GATD1: variants seen among roughly 807,000 people sequenced by gnomAD.
GATD1 encodes glutamine amidotransferase-like class 1 domain-containing protein 1.
A neutral mutation model predicts 25.9 loss-of-function variants in GATD1; 23 were observed. The ratio of observed to expected loss-of-function variants is 0.89; its 90% CI spans 0.64 to 1.26. GATD1 has a LOEUF of 1.26. GATD1 is among the 50% of genes most tolerant of loss of function. The probability of loss-of-function intolerance (pLI) is 0.00; values close to 1 mark genes in which losing one functional copy is unlikely to be tolerated. For missense variants in GATD1, 347 were observed against 312.5 expected, an observed-to-expected ratio of 1.11 and a Z score of -0.83; for synonymous variants, 177 against 134.6, an observed-to-expected ratio of 1.31 and a Z score of -2.18.
chr11:767,573 C>T lies in GATD1; in HGVS notation c.*3324G>A. 7.1e-7 allele frequency: 1 copy of T among 1,410,942 alleles called. No homozygotes were observed. The highest frequency in any genetic ancestry group is 1.6e-5 in the South Asian group (1 of 64,452). The allele number at this position is 1,410,942 out of a possible 1,614,324, so 87.4% of individuals were successfully genotyped here. ...GGGCTCAATGTCAGATCTGGCTGAC[C>T]AGAGGGGCTCAATGAGGCTCACTGG... is the stretch of plus-strand genomic sequence containing the variant. On this transcript the variant is annotated 3_prime_UTR_variant, in exon 8 of 8. Transcript: ENST00000319863.
Position 772,489 on chromosome 11 carries a change from C to A in GATD1, c.388G>T (p.Ala130Ser). ...TCCTCGTTGGTGGCACAGCACAGGG[C>A]GGCGACACCGTGGCCGACGGCGCAG... Reference protein sequence around the residue: ...PICAVGHGVAALCCATNEDRS... With the variant: ...PICAVGHGVASLCCATNEDRS... Residue 130 changes from alanine (A) to serine (S), a missense_variant, in exon 5 of 8, where the codon GCC becomes TCC. Coordinates refer to ENST00000319863, the MANE Select transcript of GATD1 (RefSeq NM_182612.4). 1.9e-6 allele frequency: 3 copies of A among 1,612,918 alleles called. No homozygotes were observed. Among genetic ancestry groups the A allele is most frequent in the Admixed American group, 3.3e-5 (2 of 60,022 alleles).
In GATD1 at chr11:770,486, A is replaced by G; in HGVS notation, c.*411T>C. 1 of 1,441,086 alleles carries G rather than the reference A, an allele frequency of 6.9e-7. No individual in the cohort carries two copies. The highest frequency in any genetic ancestry group is 1.4e-5 in the South Asian group (1 of 70,100). 89.3% of individuals were successfully genotyped at this position (1,441,086 alleles called of 1,614,324 possible). On this transcript the variant is annotated 3_prime_UTR_variant, in exon 8 of 8. Transcript: ENST00000319863. ...CCTCAAGGCCCCCACCAACAGTGAA[A>G]GAGGTGGTGGGTGGCAGACAGGCCA... is the stretch of plus-strand genomic sequence containing the variant.
Position 769,277 on chromosome 11 carries a change from C to T in GATD1, c.*1620G>A. The T allele has an allele frequency of 1.0e-6, 1 of 985,384 alleles. No individual in the cohort carries two copies. Among genetic ancestry groups the T allele is most frequent in the Non-Finnish European group, 1.2e-6 (1 of 829,942 alleles). The allele number at this position is 985,384 out of a possible 1,614,324, so 61.0% of individuals were successfully genotyped here. On this transcript the variant is annotated 3_prime_UTR_variant, in exon 8 of 8. Coordinates refer to ENST00000319863, the MANE Select transcript of GATD1 (RefSeq NM_182612.4). ...GGCGGGGATGTGGCTGCAGCGCTTC[C>T]TTCTTCCACTTTTTTCCAAATTCTC...
In GATD1 at chr11:767,265, C is replaced by T; in HGVS notation, c.*3632G>A. On this transcript the variant is annotated 3_prime_UTR_variant, in exon 8 of 8. Transcript: ENST00000319863. Reference sequence around the variant, plus strand: ...GTTTTATTCCTCATGGGTAGATGAACACACACTGGTATATGGGGAAATCCT... The same window carrying T: ...GTTTTATTCCTCATGGGTAGATGAATACACACTGGTATATGGGGAAATCCT... 6.5e-7 allele frequency: 1 copy of T among 1,536,086 alleles called. No homozygotes were observed. The highest frequency in any genetic ancestry group is 1.2e-5 in the South Asian group (1 of 84,066).
In GATD1 at chr11:768,535, C is replaced by T. The variant is rs1336293462; in HGVS notation, c.*2362G>A. The T allele has an allele frequency of 3.3e-5, 5 of 151,972 alleles. No homozygotes were observed. Among genetic ancestry groups the T allele is most frequent in the Non-Finnish European group, 7.3e-5 (5 of 68,126 alleles). 9.4% of individuals were successfully genotyped at this position (151,972 alleles called of 1,614,324 possible). A position where few individuals can be genotyped will look rare whatever the true frequency, so the allele number is the denominator to read the frequency against. On this transcript the variant is annotated 3_prime_UTR_variant, in exon 8 of 8. Coordinates refer to ENST00000319863, the MANE Select transcript of GATD1 (RefSeq NM_182612.4). Reference sequence around the variant, plus strand: ...GGGTGTGGTGGTGTGCACCTGTAGTCCTAGCTACTTGGGAGGCTGAGGCAG... The same window carrying T: ...GGGTGTGGTGGTGTGCACCTGTAGTTCTAGCTACTTGGGAGGCTGAGGCAG...
intron 5 of GATD1, among the ~76,000 whole-genome samples, chr11:772,136 G>A (rs1416783973): frequency 6.6e-6 from 1 of 152,186 alleles, no homozygotes; most frequent in Non-Finnish European, 1.5e-5. Context: ...GTCCCCTGGT[G>A]AGTGGGCCTG....
In GATD1 at chr11:770,821, G is replaced by A. The variant is rs1863360107; in HGVS notation, c.*76C>T. 2 of 1,550,852 alleles carry A rather than the reference G, an allele frequency of 1.3e-6. No individual in the cohort carries two copies. The highest frequency in any genetic ancestry group is 1.4e-5 in the African/African-American group (1 of 73,626). ...GGCCCTTGTCAGGAGGGAAGAGGCG[G>A]GGTCCCTGAAGCCTGAGACGGGGCT... On this transcript the variant is annotated 3_prime_UTR_variant, in exon 8 of 8. Transcript: ENST00000319863.
intron 1 of GATD1, among the ~76,000 whole-genome samples, chr11:775,808 TC>T (rs1254004409): frequency 1.3e-5 from 2 of 151,904 alleles, no homozygotes; most frequent in Admixed American, 1.3e-4. Flanking sequence ...CCACACCCAA[TC>T]CAGAAGGCTC....
intron 4 of GATD1, chr11:773,319 T>C (rs1304861622): frequency 1.9e-6 from 1 of 526,580 alleles, no homozygotes; most frequent in Non-Finnish European, 3.3e-6. Context: ...GCCTGCAAGA[T>C]GGTCACCAGG....
chr11:768,140 C>T lies in GATD1; in HGVS notation c.*2757G>A, dbSNP rs74935180. On this transcript the variant is annotated 3_prime_UTR_variant, in exon 8 of 8. Transcript: ENST00000319863. ...TGCTGGGATTACAGGCGTGAGCCACCGTGCCCGGCCAGTTTACAGTATTTT... is the reference window on the plus strand; with the variant it reads ...TGCTGGGATTACAGGCGTGAGCCACTGTGCCCGGCCAGTTTACAGTATTTT... The T allele has an allele frequency of 0.041, 6,200 of 152,170 alleles. 397 individuals carry two copies. The highest frequency in any genetic ancestry group is 0.26 in the East Asian group (1,354 of 5,142). 9.4% of individuals were successfully genotyped at this position (152,170 alleles called of 1,614,324 possible).
At position 775,152 on chromosome 11, in the gene GATD1, G is replaced by C; in HGVS notation, c.65-10C>G. 2 of 1,594,074 alleles carry C rather than the reference G, an allele frequency of 1.3e-6. No homozygotes were observed. The stretch of plus-strand genomic sequence containing the variant: ...GACTGGGCCGACACACCTGCAGAAG[G>C]TCCCAGTGAGTGTGGGCTCGACAGG... On this transcript the variant is annotated splice_polypyrimidine_tract_variant and intron_variant, in intron 1 of 7. Transcript: ENST00000319863.
At chr11:775,025 A>C in intron 2 of GATD1, 41 bp downstream of exon 2, 1 of 1,544,462 alleles carries the variant, frequency 6.5e-7, no homozygotes, top group Non-Finnish European at 8.8e-7. Flanking sequence ...AGGTGGAGAC[A>C]GACCCCAAGT....
Position 767,860 on chromosome 11 carries a change from T to C in GATD1, c.*3037A>G, listed in dbSNP as rs1354156722. The C allele has an allele frequency of 6.4e-6, 1 of 156,472 alleles. No homozygotes were observed. Among genetic ancestry groups the C allele is most frequent in the Non-Finnish European group, 1.4e-5 (1 of 71,520 alleles). 9.7% of individuals were successfully genotyped at this position (156,472 alleles called of 1,614,324 possible). Reference sequence around the variant, plus strand: ...CTAGGTTTACAATATTTTCTTTTTTTTTTTTTTTGAGATGGAGTCTTGCTC... The same window carrying C: ...CTAGGTTTACAATATTTTCTTTTTTCTTTTTTTTGAGATGGAGTCTTGCTC... On this transcript the variant is annotated 3_prime_UTR_variant, in exon 8 of 8. Transcript: ENST00000319863.
Position 769,001 on chromosome 11 carries a change from T to A in GATD1, c.*1896A>T. ...CTGTAATCCCAGCTACTCCGGAGGC[T>A]GAGGCAGGAGAATCGCTTGAACCCG... On this transcript the variant is annotated 3_prime_UTR_variant, in exon 8 of 8. Coordinates refer to ENST00000319863, the MANE Select transcript of GATD1 (RefSeq NM_182612.4). The A allele has an allele frequency of 1.1e-5, 4 of 372,616 alleles. No homozygotes were observed. The highest frequency in any genetic ancestry group is 1.5e-5 in the Non-Finnish European group (4 of 269,906). The allele number at this position is 372,616 out of a possible 1,614,324, so 23.1% of individuals were successfully genotyped here.
intron 2 of GATD1, 152 bp downstream of exon 2, chr11:774,914 C>T (rs1276318376): frequency 3.2e-6 from 2 of 633,062 alleles, no homozygotes; most frequent in East Asian, 3.0e-5. Flanking sequence ...CAGGGGGACG[C>T]CACCAGGGTT....
Position 770,775 on chromosome 11 carries a change from C to G in GATD1, c.*122G>C, listed in dbSNP as rs781182203. On this transcript the variant is annotated 3_prime_UTR_variant, in exon 8 of 8. Transcript: ENST00000319863. The stretch of plus-strand genomic sequence containing the variant: ...GAGGCCTCCAACAATCCCATCAGGG[C>G]CAGACCAGGCTGCCATCCAGGGCCC... 3.3e-6 allele frequency: 5 copies of G among 1,525,648 alleles called. No homozygotes were observed. The highest frequency in any genetic ancestry group is 4.4e-6 in the Non-Finnish European group (5 of 1,139,158). The allele number at this position is 1,525,648 out of a possible 1,614,324, so 94.5% of individuals were successfully genotyped here.
intron 2 of GATD1, 123 bp downstream of exon 2, chr11:774,943 C>T: frequency 1.2e-6 from 1 of 833,556 alleles, no homozygotes; most frequent in South Asian, 1.7e-5. Context: ...GACTCTTCAC[C>T]CCTCCACCAA....
Position 770,817 on chromosome 11 carries a change from GGC to G in GATD1, c.*78_*79del. ...CCAGGGCCCTTGTCAGGAGGGAAGA[GGC>G]GGGGTCCCTGAAGCCTGAGACGGGG... On this transcript the variant is annotated 3_prime_UTR_variant, in exon 8 of 8. Transcript: ENST00000319863. The G allele has an allele frequency of 1.3e-6, 2 of 1,550,216 alleles. No homozygotes were observed. The highest frequency in any genetic ancestry group is 1.7e-6 in the Non-Finnish European group (2 of 1,145,778).
At position 767,289 on chromosome 11, in the gene GATD1, C is replaced by T. The variant is rs1036495381; in HGVS notation, c.*3608G>A. 7 of 1,536,026 alleles carry T rather than the reference C, an allele frequency of 4.6e-6. No individual in the cohort carries two copies. The African/African-American group carries it at 9.6e-5, about 21-fold the overall frequency. On this transcript the variant is annotated 3_prime_UTR_variant, in exon 8 of 8. Coordinates refer to ENST00000319863, the MANE Select transcript of GATD1 (RefSeq NM_182612.4). Reference sequence around the variant, plus strand: ...ACACACACTGGTATATGGGGAAATCCTCACCCGCCCTCCGCTGCTCTTCTG... The same window carrying T: ...ACACACACTGGTATATGGGGAAATCTTCACCCGCCCTCCGCTGCTCTTCTG...
Sources: gnomAD v4.1 joint callset for allele counts (sites outside exome capture counted in the v4.1 genomes callset) on GRCh38, gnomAD v4.1.1 for gene constraint, MANE v1.5 for transcripts, NCBI Gene and HGNC (gene_info 2026-07-23, HGNC 2026-07-21) for gene names.